The following CEP72 variants were observed in gnomAD, a reference collection of about 807,000 sequenced individuals.
The protein encoded by CEP72 is centrosomal protein 72.
Under a neutral mutation model 65.7 loss-of-function variants are expected in CEP72, and 78 were observed. That is an observed-to-expected ratio of 1.19 (90% confidence interval 0.99 to 1.43). The LOEUF is 1.43. Among genes scored for constraint, CEP72 ranks in the 40% most tolerant of loss-of-function variants. The pLI, the probability that CEP72 is intolerant of heterozygous loss-of-function variation, is 0.00. For synonymous variants in CEP72, 358 were observed against 351.7 expected, an observed-to-expected ratio of 1.02 and a Z score of -0.20; for missense variants, 914 against 832.9, an observed-to-expected ratio of 1.10 and a Z score of -1.20.
chr5:641,229 C>CA (rs1304607505), intron 9 of CEP72: 1 of 985,270 alleles, frequency 1.0e-6, no homozygotes, highest in Non-Finnish European at 1.2e-6. Context: ...TCCTCCCAGG[C>CA]TCCCTCCACG....
At chr5:668,448 G>C (rs61419136), downstream of CEP72, among the ~76,000 whole-genome samples, 31,431 of 105,042 alleles carry the variant, frequency 0.3, 5,611 homozygotes, top group African/African-American at 0.52. Context: ...AGGGAAGTGC[G>C]GACAAGCACA....
At chr5:675,474 GTGTGGCCAGGGGTACAT>G in the CEP72 span, among the ~76,000 whole-genome samples, 1 of 140,482 alleles carries the variant, frequency 7.1e-6, no homozygotes, top group African/African-American at 2.7e-5. Flanking sequence ...AGGGGGTGCA[GTGTGGCCAGGGGTACAT>G]TGTGGCCGGG....
intron 9 of CEP72, chr5:643,567 C>T: frequency 8.1e-6 from 8 of 985,408 alleles, no homozygotes; most frequent in Non-Finnish European, 8.4e-6. Context: ...GCTTCTGCTG[C>T]ACAGACTCAG....
intron 1 of CEP72, chr5:662,864 C>T (rs1444427426): frequency 1.4e-5 from 2 of 143,812 alleles, no homozygotes; most frequent in African/African-American, 2.7e-5. Flanking sequence ...GGTGGCCACT[C>T]GTCTGTGATC....
At chr5:647,948 G>A (rs763064846) in intron 11 of CEP72, 32 bp downstream of exon 11, 60 of 1,495,206 alleles carry the variant, frequency 4.0e-5, no homozygotes, top group Non-Finnish European at 5.0e-5. Context: ...GTGGGCCCCC[G>A]AGGGGAGGAG....
downstream of CEP72, among the ~76,000 whole-genome samples, chr5:654,029 G>GTA (rs545030138): frequency 3.6e-4 from 53 of 146,114 alleles, 1 homozygote; most frequent in South Asian, 0.011. Context: ...GCGCTAGTGT[G>GTA]CGCTTGCTGT....
chr5:660,308 G>A (rs1321362911), downstream of CEP72: 1 of 152,028 alleles, frequency 6.6e-6, no homozygotes, highest in Admixed American at 6.6e-5. Context: ...CTTAAGTTGT[G>A]CAGATTTCCT....
chr5:634,946 A>C (rs1226600951), intron 5 of CEP72, among the ~76,000 whole-genome samples: 1 of 152,038 alleles, frequency 6.6e-6, no homozygotes, highest in African/African-American at 2.4e-5. Flanking sequence ...CCCAGGCTGG[A>C]GTGCAGTGGC....
Position 647,829 on chromosome 5 carries a change from T to C in CEP72, c.1691T>C (p.Leu564Pro). 1.9e-6 allele frequency: 3 copies of C among 1,612,664 alleles called. No individual in the cohort carries two copies. The highest frequency in any genetic ancestry group is 2.5e-6 in the Non-Finnish European group (3 of 1,179,854). ...GGACTTCAAACAAGTGTGAAGAGGC[T>C]GTGTGGCGAGATTGTGGAACTGAAG... Reference protein sequence around the residue: ...IAGLQTSVKRLCGEIVELKQH... With the variant: ...IAGLQTSVKRPCGEIVELKQH... Residue 564 changes from leucine (L) to proline (P), a missense_variant, in exon 11 of 12, where the codon CTG (leucine) becomes CCG (proline). Physicochemically the swap from Leu to Pro is moderately conservative, Grantham distance 98. Transcript: ENST00000264935.
chr5:642,548 G>A, intron 9 of CEP72: 1 of 985,488 alleles, frequency 1.0e-6, no homozygotes, highest in Non-Finnish European at 1.2e-6. Flanking sequence ...GGAGCCCAAA[G>A]GTGTGCCGAG....
chr5:652,998 A>G lies in CEP72; in HGVS notation c.1789A>G (p.Ser597Gly), dbSNP rs771101154. The change falls in exon 12 of 12, where the codon AGC (serine) becomes GGC (glycine). Residue 597 changes from serine to glycine, a missense_variant. Physicochemically the swap from Ser to Gly is moderately conservative, Grantham distance 56. Coordinates refer to ENST00000264935, the MANE Select transcript of CEP72 (RefSeq NM_018140.4). ...MLQESHSSLV[S>G]TNEHLLQELS... ...CCTGTTGTTCTGCAGCTCCCTGGTC[A>G]GCACCAATGAACACCTGCTGCAGGA... 1.9e-6 allele frequency: 3 copies of G among 1,610,956 alleles called. No individual in the cohort carries two copies. The highest frequency in any genetic ancestry group is 2.7e-5 in the African/African-American group (2 of 74,858).
At chr5:651,076 C>A (rs1739024882) in intron 11 of CEP72, among the ~76,000 whole-genome samples, 2 of 66,004 alleles carry the variant, frequency 3.0e-5, no homozygotes, top group African/African-American at 8.5e-5. Flanking sequence ...TGAGGTGTGA[C>A]TGTGAGGCGT....
intron 11 of CEP72, among the ~76,000 whole-genome samples, chr5:649,034 A>G (rs1192475490): frequency 4.2e-5 from 6 of 143,240 alleles, no homozygotes; most frequent in Admixed American, 1.4e-4. Flanking sequence ...CCTGAGTGTG[A>G]GGTGTGACTG....
chr5:632,923 G>T (rs1378921286), intron 4 of CEP72, among the ~76,000 whole-genome samples: 1 of 107,238 alleles, frequency 9.3e-6, no homozygotes, highest in Non-Finnish European at 1.8e-5. Context: ...TCCAGTGCCG[G>T]GATTTGGACC....
rs1738382529 is a variant in CEP72 at position 645,885 on chromosome 5, T to A, written c.1666+1460T>A. Among the ~76,000 whole-genome samples, 1 of 152,262 alleles carries A rather than the reference T, an allele frequency of 6.6e-6. No homozygotes were observed. Among genetic ancestry groups the A allele is most frequent in the African/African-American group, 2.4e-5 (1 of 41,474 alleles). On this transcript the variant is annotated intron_variant, in intron 10 of 11. Transcript: ENST00000264935. This position sits in a 1 kb window ranked among gnomAD's most constrained non-coding sequence, Gnocchi z 4.0. ...GAAATTGCTGTGTGAGCGTCACTCC[T>A]GCTCCCGTCGGCGGCCTGTGTGGAC...
intron 8 of CEP72, 101 bp downstream of exon 8, chr5:639,325 C>A: frequency 7.4e-7 from 1 of 1,348,972 alleles, no homozygotes; most frequent in Non-Finnish European, 1.0e-6. Flanking sequence ...AGCCCCAGGT[C>A]TCCTATGTCC....
intron 3 of CEP72, among the ~76,000 whole-genome samples, chr5:622,194 A>G (rs1736437464): frequency 6.6e-6 from 1 of 152,256 alleles, no homozygotes; most frequent in Non-Finnish European, 1.5e-5. Context: ...GGTTAGTGGT[A>G]TGGATTGAAA....
At chr5:646,573 G>C (rs1322752468) in intron 10 of CEP72, among the ~76,000 whole-genome samples, 4 of 152,192 alleles carry the variant, frequency 2.6e-5, no homozygotes, top group Admixed American at 6.5e-5. Flanking sequence ...GGTTGACCTT[G>C]ACCCTGACCC....
downstream of CEP72, among the ~76,000 whole-genome samples, chr5:670,722 C>T (rs147595664): frequency 2.0e-3 from 311 of 152,278 alleles, 1 homozygote; most frequent in African/African-American, 7.3e-3. Flanking sequence ...GTTCCCCATG[C>T]CTGTTGGCCG....
Sources: allele counts gnomAD v4.1 joint callset (sites outside exome capture counted in the v4.1 genomes callset), GRCh38; gene constraint gnomAD v4.1.1; non-coding constraint Gnocchi (gnomAD v3.1); transcripts MANE v1.5; gene names NCBI Gene and HGNC (gene_info 2026-07-23, HGNC 2026-07-21).